SLC13A1: variants seen among roughly 807,000 people sequenced by gnomAD.
SLC13A1 encodes solute carrier family 13 member 1, also known as Na(+)/sulfate cotransporter.
SLC13A1 carries 65 observed loss-of-function variants against 70.0 expected under a neutral mutation model. The ratio of observed to expected loss-of-function variants is 0.93; its 90% CI spans 0.76 to 1.14. The LOEUF is 1.14. SLC13A1 is among the 50% of genes most tolerant of loss of function. The probability of loss-of-function intolerance (pLI) is 0.00; values close to 1 mark genes in which losing one functional copy is unlikely to be tolerated. For missense variants in SLC13A1, 726 were observed against 717.8 expected (o/e 1.01, Z -0.13); for synonymous variants, 275 against 250.5 (o/e 1.10, Z -0.92).
intron 6 of SLC13A1, among the ~76,000 whole-genome samples, chr7:123,152,507 A>G (rs1794589955): frequency 6.6e-6 from 1 of 152,124 alleles, no homozygotes; most frequent in Admixed American, 6.6e-5. Context: ...CAGGATGAAC[A>G]GAAGAAATGC....
intron 6 of SLC13A1, among the ~76,000 whole-genome samples, chr7:123,165,001 A>G (rs1302089503): frequency 1.3e-5 from 2 of 152,088 alleles, no homozygotes; most frequent in Non-Finnish European, 2.9e-5. Context: ...AGAAAGCATA[A>G]GATCAAAAGA....
At chr7:123,128,102 G>A (rs1311535212) in intron 10 of SLC13A1, among the ~76,000 whole-genome samples, 1 of 151,798 alleles carries the variant, frequency 6.6e-6, no homozygotes, top group African/African-American at 2.4e-5. Flanking sequence ...CTCTGACCTA[G>A]CTTCTAGCAC....
chr7:123,167,309 C>T (rs1343903), intron 6 of SLC13A1, among the ~76,000 whole-genome samples: 44,100 of 152,090 alleles, frequency 0.29, 6,588 homozygotes, highest in East Asian at 0.35. Context: ...ATTTCTATCT[C>T]TAAAGATAAT....
chr7:123,172,887 T>C (rs1479836523), intron 2 of SLC13A1, among the ~76,000 whole-genome samples: 1 of 152,130 alleles, frequency 6.6e-6, no homozygotes, highest in Non-Finnish European at 1.5e-5. Flanking sequence ...GCAAAAACCT[T>C]TAAACAATAG....
intron 2 of SLC13A1, among the ~76,000 whole-genome samples, chr7:123,174,877 C>A (rs142236060): frequency 1.3e-5 from 2 of 151,694 alleles, no homozygotes; most frequent in Non-Finnish European, 2.9e-5. Flanking sequence ...CTGGAATGAC[C>A]CTCTCTGCTT....
intron 8 of SLC13A1, among the ~76,000 whole-genome samples, chr7:123,133,169 G>A (rs140249190): frequency 3.3e-5 from 5 of 152,258 alleles, no homozygotes; most frequent in African/African-American, 1.2e-4. Context: ...CACTGAGACT[G>A]AGAATGGGTC....
intron 1 of SLC13A1, among the ~76,000 whole-genome samples, chr7:123,181,430 G>A (rs6466856): frequency 0.042 from 6,314 of 152,122 alleles, 440 homozygotes; most frequent in African/African-American, 0.14. Context: ...CCTATAAAAT[G>A]CACTCCCCCA....
At chr7:123,119,896 A>G (rs1375446827) in intron 12 of SLC13A1, among the ~76,000 whole-genome samples, 1 of 151,950 alleles carries the variant, frequency 6.6e-6, no homozygotes, top group Admixed American at 6.6e-5. Flanking sequence ...TAGCTACACC[A>G]CTTAGCATAC....
In SLC13A1 at chr7:123,142,104, T is replaced by C. The variant is rs970196541; in HGVS notation, c.812+5055A>G. 5.9e-5 allele frequency among the ~76,000 whole-genome samples: 9 copies of C among 152,210 alleles called. No homozygotes were observed. The South Asian group carries it at 8.3e-4, about 14-fold the overall frequency. On this transcript the variant is annotated intron_variant, in intron 7 of 14. Coordinates refer to ENST00000194130, the MANE Select transcript of SLC13A1 (RefSeq NM_022444.4). ...TGCTTTTTATTTTTCATGTATAGGG[T>C]AAGGCTTGATGTTCTAATGTACTGT...
chr7:123,163,202 G>C (rs1441772923), intron 6 of SLC13A1, among the ~76,000 whole-genome samples: 1 of 152,068 alleles, frequency 6.6e-6, no homozygotes, highest in African/African-American at 2.4e-5. Flanking sequence ...AATGGAACCT[G>C]ACAAATATAT....
At chr7:123,128,375 G>A (rs1793635601) in intron 10 of SLC13A1, among the ~76,000 whole-genome samples, 1 of 152,060 alleles carries the variant, frequency 6.6e-6, no homozygotes, top group Non-Finnish European at 1.5e-5. Flanking sequence ...TTCCAATAGG[G>A]AGAAGTCCAG....
intron 2 of SLC13A1, among the ~76,000 whole-genome samples, chr7:123,176,395 A>C (rs530806457): frequency 1.3e-5 from 2 of 152,280 alleles, no homozygotes; most frequent in South Asian, 2.1e-4. Flanking sequence ...TGATATGTCA[A>C]ATAACATCTC....
At chr7:123,124,837 C>T (rs1007183770) in intron 11 of SLC13A1, among the ~76,000 whole-genome samples, 3 of 151,992 alleles carry the variant, frequency 2.0e-5, no homozygotes, top group Non-Finnish European at 4.4e-5. Context: ...ACCGAGTCTC[C>T]CTCTGTTGCC....
At chr7:123,142,341 A>T (rs1031738865) in intron 7 of SLC13A1, among the ~76,000 whole-genome samples, 2 of 151,308 alleles carry the variant, frequency 1.3e-5, no homozygotes, top group African/African-American at 4.9e-5. Flanking sequence ...AGGGCAGAGG[A>T]CTCCCCCTCC....
chr7:123,147,357 G>A, intron 6 of SLC13A1, 47 bp from the exon 7 acceptor site: 1 of 1,593,186 alleles, frequency 6.3e-7, no homozygotes, highest in Non-Finnish European at 8.6e-7. Context: ...CTCTATATTT[G>A]TTATGGACTG....
At chr7:123,125,721 T>C (rs1793537741) in intron 10 of SLC13A1, 46 bp from the exon 11 acceptor site, 2 of 1,390,272 alleles carry the variant, frequency 1.4e-6, no homozygotes, top group Non-Finnish European at 2.0e-6. Context: ...ATCAAGAACT[T>C]AAATGAGCTA....
chr7:123,171,716 C>A, intron 3 of SLC13A1, 52 bp downstream of exon 3: 2 of 1,584,572 alleles, frequency 1.3e-6, no homozygotes, highest in Admixed American at 1.7e-5. Context: ...TTGCTCTGCA[C>A]AAAAATGGTC....
At chr7:123,188,196 C>T (rs1391199410) in intron 1 of SLC13A1, among the ~76,000 whole-genome samples, 1 of 152,128 alleles carries the variant, frequency 6.6e-6, no homozygotes, top group Non-Finnish European at 1.5e-5. Context: ...GGCTCTTCCC[C>T]CTTAATTTGG....
chr7:123,129,020 G>A, intron 9 of SLC13A1, 74 bp from the exon 10 acceptor site: 1 of 977,904 alleles, frequency 1.0e-6, no homozygotes, highest in Non-Finnish European at 1.6e-6. Flanking sequence ...TTGAGCTATT[G>A]TCAGGAATGA....
Sources: gnomAD v4.1 joint callset for allele counts (sites outside exome capture counted in the v4.1 genomes callset) on GRCh38, gnomAD v4.1.1 for gene constraint, MANE v1.5 for transcripts, NCBI Gene and HGNC (gene_info 2026-07-23, HGNC 2026-07-21) for gene names.